Variants in RAB38 observed in about 807,000 individuals in gnomAD.
The protein encoded by RAB38 is RAB38, member RAS oncogene family, also known as ras-related protein Rab-38.
RAB38 carries 15 observed loss-of-function variants against 18.4 expected under a neutral mutation model. That is an observed-to-expected ratio of 0.82 (90% CI 0.55 to 1.26). RAB38 has a LOEUF of 1.26. Among genes scored for constraint, RAB38 ranks in the 50% most tolerant of loss-of-function variants. RAB38 has a pLI of 0.00. For synonymous variants in RAB38, 101 were observed against 104.4 expected (o/e 0.97, Z 0.20); for missense variants, 294 against 267.4 (o/e 1.10, Z -0.69).
the RAB38 span, among the ~76,000 whole-genome samples, chr11:88,035,859 C>A: frequency 2.0e-4 from 31 of 151,700 alleles, no homozygotes; most frequent in African/African-American, 7.3e-4. Context: ...AACCTCAATG[C>A]CCTTTTTTTT....
At chr11:88,062,244 T>C in the RAB38 span, 2 of 152,138 alleles carry the variant, frequency 1.3e-5, no homozygotes, top group Non-Finnish European at 2.9e-5. Flanking sequence ...GCTATTCTCA[T>C]GATAGCGAGT....
chr11:88,028,903 G>C, the RAB38 span, among the ~76,000 whole-genome samples: 1 of 152,132 alleles, frequency 6.6e-6, no homozygotes, highest in Non-Finnish European at 1.5e-5. Flanking sequence ...TCCTCGAGAA[G>C]AGCAACTCCA....
At chr11:88,039,470 G>C in the RAB38 span, among the ~76,000 whole-genome samples, 1 of 152,108 alleles carries the variant, frequency 6.6e-6, no homozygotes, top group Non-Finnish European at 1.5e-5. Context: ...TAATACCCTG[G>C]ATAAGCAGAA....
chr11:87,853,736 A>G, the RAB38 span, among the ~76,000 whole-genome samples: 2 of 152,210 alleles, frequency 1.3e-5, no homozygotes, highest in African/African-American at 2.4e-5. Flanking sequence ...ATTCTGATGT[A>G]TTCATTTTCT....
At chr11:87,840,120 GA>G in the RAB38 span, among the ~76,000 whole-genome samples, 1 of 152,144 alleles carries the variant, frequency 6.6e-6, no homozygotes, top group Non-Finnish European at 1.5e-5. Context: ...TGGTGGAAAG[GA>G]GAGAGAAAGG....
the RAB38 span, among the ~76,000 whole-genome samples, chr11:88,020,681 T>C: frequency 4.6e-5 from 7 of 152,148 alleles, no homozygotes; most frequent in Non-Finnish European, 1.0e-4. Flanking sequence ...ATTATTCCCT[T>C]GAACAGACCA....
the RAB38 span, among the ~76,000 whole-genome samples, chr11:88,075,867 C>G: frequency 7.0e-6 from 1 of 143,386 alleles, no homozygotes; most frequent in Admixed American, 7.1e-5. Flanking sequence ...AGTGATAGAG[C>G]AAGATTTTGT....
the RAB38 span, among the ~76,000 whole-genome samples, chr11:88,059,786 C>T: frequency 1.3e-5 from 2 of 152,170 alleles, no homozygotes; most frequent in African/African-American, 4.8e-5. Context: ...AGATGGTCAA[C>T]ATTGGAGCCT....
chr11:87,873,002 A>G, the RAB38 span, among the ~76,000 whole-genome samples: 1 of 151,596 alleles, frequency 6.6e-6, no homozygotes, highest in Non-Finnish European at 1.5e-5. Flanking sequence ...GCATAGTAAA[A>G]ATATGATTAG....
the RAB38 span, among the ~76,000 whole-genome samples, chr11:88,106,658 T>C: frequency 6.6e-6 from 1 of 152,144 alleles, no homozygotes; most frequent in African/African-American, 2.4e-5. Flanking sequence ...ATAAATTAGC[T>C]TGATGATATG....
the RAB38 span, among the ~76,000 whole-genome samples, chr11:87,900,088 G>A: frequency 2.0e-5 from 3 of 151,510 alleles, no homozygotes; most frequent in Non-Finnish European, 4.4e-5. Flanking sequence ...TTACACCAAG[G>A]AGCTTACATC....
At chr11:88,026,739 G>A in the RAB38 span, among the ~76,000 whole-genome samples, 3 of 150,558 alleles carry the variant, frequency 2.0e-5, no homozygotes, top group Admixed American at 6.6e-5. Context: ...ACTAGTAAAT[G>A]CAGAAGTTTT....
the RAB38 span, among the ~76,000 whole-genome samples, chr11:87,894,752 T>TACATTATATATCATATATATGTAC: frequency 7.4e-5 from 11 of 147,732 alleles, no homozygotes; most frequent in Admixed American, 1.4e-4. Flanking sequence ...AATATATGTA[T>TACATTATATATCATATATATGTAC]ACATTATATA....
chr11:87,851,370 T>C, the RAB38 span, among the ~76,000 whole-genome samples: 1 of 152,194 alleles, frequency 6.6e-6, no homozygotes. Context: ...GTCATACCAC[T>C]TAAAATAAAA....
rs945338692 is a variant in RAB38 at position 88,113,906 on chromosome 11, C to T, written c.*82G>A. The T allele has an allele frequency of 3.6e-5, 56 of 1,541,068 alleles. No individual in the cohort carries two copies. The highest frequency in any genetic ancestry group is 4.6e-5 in the Non-Finnish European group (51 of 1,118,888). On this transcript the variant is annotated 3_prime_UTR_variant, in exon 3 of 3. Transcript: ENST00000243662. ...GCCACATGTGGTATCTCTATCCTGA[C>T]GTTTACCCAAAATGGTAAAAATAGA...
At chr11:87,973,150 G>C in the RAB38 span, among the ~76,000 whole-genome samples, 2 of 151,978 alleles carry the variant, frequency 1.3e-5, no homozygotes, top group African/African-American at 4.8e-5. Flanking sequence ...CTTTATAGCA[G>C]TGTGAGAATG....
chr11:87,922,199 A>G, the RAB38 span, among the ~76,000 whole-genome samples: 1 of 152,098 alleles, frequency 6.6e-6, no homozygotes, highest in Non-Finnish European at 1.5e-5. Context: ...TGGTAATTAT[A>G]TTGCATTAGG....
the RAB38 span, among the ~76,000 whole-genome samples, chr11:88,048,488 C>T: frequency 1.3e-5 from 2 of 152,104 alleles, no homozygotes; most frequent in African/African-American, 4.8e-5. Context: ...GCCCAGCCTC[C>T]AACTTAAAAA....
intron 2 of RAB38, among the ~76,000 whole-genome samples, chr11:88,139,597 G>A (rs1309077227): frequency 6.6e-6 from 1 of 152,196 alleles, no homozygotes; most frequent in Middle Eastern, 3.2e-3. Flanking sequence ...AGAATACTTG[G>A]AGAATGAATA....
Sources: allele counts gnomAD v4.1 joint callset (sites outside exome capture counted in the v4.1 genomes callset), GRCh38; gene constraint gnomAD v4.1.1; transcripts MANE v1.5; gene names NCBI Gene and HGNC (gene_info 2026-07-23, HGNC 2026-07-21).